LCOR: variants seen among roughly 807,000 people sequenced by gnomAD.
LCOR encodes the protein ligand dependent nuclear receptor corepressor, also known as ligand-dependent corepressor.
In LCOR, 14 loss-of-function variants were observed where a neutral mutation model predicts 64.4. The observed-to-expected ratio is 0.22, with a 90% CI of 0.14 to 0.34. LCOR has a LOEUF of 0.34. Ranked by LOEUF, LCOR falls within the 10% of genes least tolerant of loss-of-function variation. The pLI is 1.00. For missense variants in LCOR, 1,686 were observed against 1,765.3 expected (o/e 0.96, Z 0.80); for synonymous variants, 643 against 642.5 (o/e 1.00, Z -0.01).
At chr10:96,862,985 A>G (rs140803084) in intron 2 of LCOR, among the ~76,000 whole-genome samples, 5,130 of 150,900 alleles carry the variant, frequency 0.034, 296 homozygotes, top group African/African-American at 0.12. Flanking sequence ...GGTTCAAGCA[A>G]TTCTCCTGCC....
intron 2 of LCOR, among the ~76,000 whole-genome samples, chr10:96,898,419 T>C (rs946800212): frequency 6.6e-6 from 1 of 152,212 alleles, no homozygotes; most frequent in Non-Finnish European, 1.5e-5. Context: ...GATCCTATAA[T>C]GATCATGCAT....
intron 1 of LCOR, chr10:96,832,869 G>A (rs1238189556): frequency 4.0e-6 from 2 of 494,890 alleles, no homozygotes; most frequent in Non-Finnish European, 5.2e-6. Context: ...CTCCTCCTGC[G>A]CCACCCCTCC....
rs1375743664 is a variant in LCOR, at chr10:96,957,570, A to T, written c.332+5374A>T. On this transcript the variant is annotated intron_variant, in intron 7 of 7. Transcript: ENST00000421806. Reference sequence around the variant, plus strand: ...CTTAACCAAAAACAAACATTATTGGAGTTTCAGTGTAAAATAAAATTAAAA... The same window carrying T: ...CTTAACCAAAAACAAACATTATTGGTGTTTCAGTGTAAAATAAAATTAAAA... 3.0e-6 allele frequency: 3 copies of T among 985,194 alleles called. No individual in the cohort carries two copies. In the African/African-American group the frequency reaches 5.2e-5, roughly 17 times the overall value. The allele number at this position is 985,194 out of a possible 1,614,324, so 61.0% of individuals were successfully genotyped here.
rs776676523 is a variant in LCOR at position 96,981,198 on chromosome 10, T to C, written c.738T>C (p.Asp246=). Residue 246 remains aspartate, a synonymous_variant, in exon 8 of 8, where the codon GAT becomes GAC. Transcript: ENST00000421806. ...ATGCCTTGACTGTTGTCCAGAAAGA[T>C]TCCTCTGAACTTCCAACCACTAAAT... The part of the protein sequence containing the change: ...RENALTVVQK[D]SSELPTTKSN... 1 of 744,770 alleles carries C rather than the reference T, an allele frequency of 1.3e-6. No individual in the cohort carries two copies. Among genetic ancestry groups the C allele is most frequent in the South Asian group, 1.5e-5 (1 of 68,416 alleles). The allele number at this position is 744,770 out of a possible 1,614,324, so 46.1% of individuals were successfully genotyped here.
chr10:96,955,976 T>A (rs892574626), intron 7 of LCOR: 2 of 1,551,480 alleles, frequency 1.3e-6, no homozygotes, highest in East Asian at 2.2e-5. Context: ...TACTGCATCA[T>A]TGTTCAGCTA....
chr10:96,984,194 C>G lies in LCOR; in HGVS notation c.3734C>G (p.Ala1245Gly), dbSNP rs1848123561. 1 of 1,614,018 alleles carries G rather than the reference C, an allele frequency of 6.2e-7. No homozygotes were observed. Among genetic ancestry groups the G allele is most frequent in the Non-Finnish European group, 8.5e-7 (1 of 1,180,030 alleles). ...LKKHLKKFPG[A>G]TPAKNNWKMQ... ...AAGCACTTGAAGAAATTTCCTGGAG[C>G]TACCCCTGCTAAGAATAATTGGAAA... Residue 1245 changes from alanine (A) to glycine (G), a missense_variant, in exon 8 of 8, where the codon GCT becomes GGT. By Grantham distance (60) the Ala-to-Gly change is moderately conservative (BLOSUM62 0). Around this residue, in one of 3 missense-constraint regions of LCOR, gnomAD observed 1,293 missense variants for 1,410.4 expected, o/e 0.92. Coordinates refer to ENST00000421806, the MANE Select transcript of LCOR (RefSeq NM_001346516.2).
intron 4 of LCOR, among the ~76,000 whole-genome samples, chr10:96,909,874 CTGTG>C (rs141303312): frequency 6.6e-6 from 1 of 150,752 alleles, no homozygotes; most frequent in South Asian, 2.1e-4. Context: ...ATTTTAAACT[CTGTG>C]TGTGTGTGTG....
chr10:96,924,003 C>T (rs945714569), intron 4 of LCOR, among the ~76,000 whole-genome samples: 2 of 152,152 alleles, frequency 1.3e-5, no homozygotes, highest in African/African-American at 2.4e-5. Context: ...ACCAGGTTCT[C>T]GAGATATTAA....
intron 7 of LCOR, chr10:96,955,798 T>C: frequency 6.2e-7 from 1 of 1,614,128 alleles, no homozygotes; most frequent in South Asian, 1.1e-5. Flanking sequence ...CTGGGCACTT[T>C]GAAAAACCCT....
rs1219924630 is a variant in LCOR, at chr10:96,832,411, C to G, written c.-404+12C>G. The G allele has an allele frequency of 1.7e-5, 16 of 957,626 alleles. No homozygotes were observed. Among genetic ancestry groups the G allele is most frequent in the Non-Finnish European group, 2.0e-5 (16 of 804,374 alleles). The allele number at this position is 957,626 out of a possible 1,614,324, so 59.3% of individuals were successfully genotyped here. On this transcript the variant is annotated intron_variant, in intron 1 of 7. Transcript: ENST00000421806. ...CATTCACTGTGTAGGTGAGACCCTC[C>G]GCCGACCGCCGCCGCCCCTCCGGCC...
chr10:96,836,880 CTT>C (rs34173400), intron 2 of LCOR, among the ~76,000 whole-genome samples: 3 of 152,052 alleles, frequency 2.0e-5, no homozygotes, highest in Non-Finnish European at 4.4e-5. Flanking sequence ...AAAGTGGAGA[CTT>C]TTTGTTAGGC....
rs756779031 is a variant in LCOR at position 96,983,448 on chromosome 10, C to T, written c.2988C>T (p.Asn996=). The T allele has an allele frequency of 2.2e-5, 36 of 1,614,024 alleles. No individual in the cohort carries two copies. Among genetic ancestry groups the T allele is most frequent in the Admixed American group, 3.3e-5 (2 of 60,008 alleles). The change falls in exon 8 of 8, where the codon AAC becomes AAT. Residue 996 remains asparagine (N), a synonymous_variant. Coordinates refer to ENST00000421806, the MANE Select transcript of LCOR (RefSeq NM_001346516.2). This position sits in a 1 kb window ranked among gnomAD's most constrained non-coding sequence, Gnocchi z 4.5. ...HVEEAVNEVD[N]ENTQQKDDES... ...AGGAGGCTGTGAATGAGGTAGACAA[C>T]GAAAACACCCAGCAGAAAGATGATG...
chr10:96,986,083 T>G lies in LCOR; in HGVS notation c.*949T>G, dbSNP rs779329454. 8.4e-5 allele frequency: 14 copies of G among 167,108 alleles called. No homozygotes were observed. Among genetic ancestry groups the G allele is most frequent in the South Asian group, 2.1e-4 (1 of 4,826 alleles). The allele number at this position is 167,108 out of a possible 1,614,324, so 10.4% of individuals were successfully genotyped here. The stretch of plus-strand genomic sequence containing the variant: ...CCATATTCAAAGAAAGCCGAACTAT[T>G]ATTTCCAGTAATAGAAAGGTTTAAG... On this transcript the variant is annotated 3_prime_UTR_variant, in exon 8 of 8. Coordinates refer to ENST00000421806, the MANE Select transcript of LCOR (RefSeq NM_001346516.2).
At chr10:96,833,329 G>T (rs923187520) in intron 1 of LCOR, 77 bp from the exon 2 acceptor site, 28 of 958,176 alleles carry the variant, frequency 2.9e-5, no homozygotes, top group African/African-American at 5.3e-5. Flanking sequence ...GAGCGCGGAC[G>T]GGGGCGCCCC....
intron 2 of LCOR, among the ~76,000 whole-genome samples, chr10:96,846,331 T>G (rs1024655128): frequency 6.6e-6 from 1 of 152,152 alleles, no homozygotes; most frequent in Non-Finnish European, 1.5e-5. Context: ...CTAGGCTCAC[T>G]GCAGTTTTAG....
At position 96,914,282 on chromosome 10, in the gene LCOR, C is replaced by T. The variant is rs1010526961; in HGVS notation, c.-184+6535C>T. ...CGCCATCTTGGGTCACTGCAACCTC[C>T]ACCTCCCAGATTCAAGCGATTCTCC... is the stretch of plus-strand genomic sequence containing the variant. On this transcript the variant is annotated intron_variant, in intron 4 of 7. Coordinates refer to ENST00000421806, the MANE Select transcript of LCOR (RefSeq NM_001346516.2). Among the ~76,000 whole-genome samples the T allele has an allele frequency of 3.3e-5, 5 of 152,282 alleles. No homozygotes were observed. The South Asian group carries it at 1.0e-3, about 32-fold the overall frequency.
intron 2 of LCOR, among the ~76,000 whole-genome samples, chr10:96,863,667 T>G (rs1414395564): frequency 6.6e-6 from 1 of 152,228 alleles, no homozygotes; most frequent in African/African-American, 2.4e-5. Flanking sequence ...AAGCATAGAC[T>G]GGTGTTGTGC....
intron 6 of LCOR, 138 bp downstream of exon 6, chr10:96,949,433 A>AAGG: frequency 3.7e-6 from 3 of 816,296 alleles, no homozygotes; most frequent in Non-Finnish European, 5.9e-6. Flanking sequence ...ATTTCTTACT[A>AAGG]TGCAGTGATG....
intron 4 of LCOR, among the ~76,000 whole-genome samples, chr10:96,921,452 T>G (rs1847080003): frequency 6.6e-6 from 1 of 152,122 alleles, no homozygotes; most frequent in Non-Finnish European, 1.5e-5. Flanking sequence ...AGCTTCATTC[T>G]TTATTTAATT....
Sources: gnomAD v4.1 joint callset for allele counts (sites outside exome capture counted in the v4.1 genomes callset) on GRCh38, gnomAD v4.1.1 for gene constraint, gnomAD v4.1.1 regional missense constraint, Gnocchi (gnomAD v3.1) non-coding constraint, MANE v1.5 for transcripts, NCBI Gene and HGNC (gene_info 2026-07-23, HGNC 2026-07-21) for gene names.